The following MACROD2 variants were observed in gnomAD, a reference collection of about 807,000 sequenced individuals.
MACROD2 encodes ADP-ribose glycohydrolase MACROD2.
In MACROD2, 36 loss-of-function variants were observed where a neutral mutation model predicts 70.4. The ratio of observed to expected loss-of-function variants is 0.51; its 90% CI spans 0.39 to 0.68. The LOEUF (loss-of-function observed/expected upper bound fraction) is 0.68. MACROD2 is among the 30% of genes least tolerant of loss of function. The pLI is 0.00. For missense variants in MACROD2, 496 were observed against 538.4 expected, an observed-to-expected ratio of 0.92 and a Z score of 0.78; for synonymous variants, 172 against 178.8, an observed-to-expected ratio of 0.96 and a Z score of 0.30.
At chr20:14,147,024 T>C (rs985038866) in intron 3 of MACROD2, among the ~76,000 whole-genome samples, 2 of 152,052 alleles carry the variant, frequency 1.3e-5, no homozygotes, top group African/African-American at 4.8e-5. Flanking sequence ...TCCAGTCAGC[T>C]TTTCCTGTAG....
intron 6 of MACROD2, among the ~76,000 whole-genome samples, chr20:15,335,574 A>G (rs1220193864): frequency 6.6e-6 from 1 of 151,656 alleles, no homozygotes; most frequent in South Asian, 2.1e-4. Flanking sequence ...CCTACTAGGC[A>G]TGTAAATATT....
intron 6 of MACROD2, among the ~76,000 whole-genome samples, chr20:15,250,043 C>T (rs939831431): frequency 6.6e-6 from 1 of 152,192 alleles, no homozygotes; most frequent in African/African-American, 2.4e-5. Context: ...AAGGCCCTGG[C>T]CACCCTCTTG....
At chr20:14,453,291 CTGT>C (rs1414266566) in intron 3 of MACROD2, among the ~76,000 whole-genome samples, 1 of 152,114 alleles carries the variant, frequency 6.6e-6, no homozygotes, top group Non-Finnish European at 1.5e-5. Flanking sequence ...CTACTTAGCC[CTGT>C]GGATTTAGGC....
chr20:14,651,292 G>T (rs899372947), intron 4 of MACROD2, among the ~76,000 whole-genome samples: 5 of 152,064 alleles, frequency 3.3e-5, no homozygotes, highest in African/African-American at 7.2e-5. Flanking sequence ...TAAGAAAGGA[G>T]TTCAACAGGT....
chr20:15,901,028 C>T (rs2065055844), intron 10 of MACROD2, among the ~76,000 whole-genome samples: 3 of 152,180 alleles, frequency 2.0e-5, no homozygotes, highest in South Asian at 2.1e-4. Context: ...ACTCCCCTAC[C>T]TTGCTTATTA....
chr20:15,461,006 A>ATATATATATATACATTTTT, intron 7 of MACROD2, among the ~76,000 whole-genome samples: 1 of 66,992 alleles, frequency 1.5e-5, no homozygotes, highest in Non-Finnish European at 3.3e-5. Flanking sequence ...ATATATATAT[A>ATATATATATATACATTTTT]TTTTTTTTTA....
Position 14,554,180 on chromosome 20 carries a change from G to A in MACROD2, c.301+60672G>A, listed in dbSNP as rs190929012. On this transcript the variant is annotated intron_variant, in intron 4 of 17. Transcript: ENST00000684519. ...CAGTAGTTCTCCTTTCTCAAAGGTT[G>A]CCTATGAATCATCCATGATTTGTAT... Among the ~76,000 whole-genome samples, 10 of 152,210 alleles carry A rather than the reference G, an allele frequency of 6.6e-5. No individual in the cohort carries two copies. In the East Asian group the frequency reaches 1.7e-3, roughly 27 times the overall value.
chr20:15,090,666 G>T (rs2075786233), intron 5 of MACROD2, among the ~76,000 whole-genome samples: 1 of 152,052 alleles, frequency 6.6e-6, no homozygotes, highest in Admixed American at 6.6e-5. Context: ...AAACTCAGGA[G>T]AGCTGAGTAC....
intron 3 of MACROD2, chr20:14,127,663 A>G (rs2054669259): frequency 5.0e-6 from 2 of 398,820 alleles, no homozygotes; most frequent in Admixed American, 7.1e-5. Context: ...TACCATTTCC[A>G]TCTGGTATTC....
chr20:14,884,282 T>C (rs1230035164), intron 5 of MACROD2: 1 of 152,298 alleles, frequency 6.6e-6, no homozygotes, highest in African/African-American at 2.4e-5. Flanking sequence ...ATTATTTATT[T>C]GGTTCACAAA....
chr20:14,719,229 TA>T (rs78431914), intron 5 of MACROD2, among the ~76,000 whole-genome samples: 3,030 of 144,938 alleles, frequency 0.021, 77 homozygotes, highest in African/African-American at 0.062. Context: ...GACTCCATCT[TA>T]AAAAAAAAAA....
intron 8 of MACROD2, among the ~76,000 whole-genome samples, chr20:15,799,590 C>A (rs576332153): frequency 5.6e-4 from 85 of 152,298 alleles, no homozygotes; most frequent in Middle Eastern, 3.4e-3. Context: ...AATGCCTCCA[C>A]CTCTATTCCT....
intron 2 of MACROD2, among the ~76,000 whole-genome samples, chr20:14,013,963 A>G (rs2052951574): frequency 6.6e-6 from 1 of 152,110 alleles, no homozygotes. Context: ...AATATTGTAA[A>G]AACAAAACCC....
At chr20:15,088,441 ATATATATAT>A (rs1568567424) in intron 5 of MACROD2, among the ~76,000 whole-genome samples, 135 of 38,056 alleles carry the variant, frequency 3.5e-3, no homozygotes, top group Non-Finnish European at 5.8e-3. Context: ...ATATATATAT[ATATATATAT>A]AATATTTTGT....
rs557234430 is a variant in MACROD2 at position 15,071,443 on chromosome 20, G to A, written c.419-158497G>A. Among the ~76,000 whole-genome samples, 25 of 152,278 alleles carry A rather than the reference G, an allele frequency of 1.6e-4. No homozygotes were observed. The South Asian group carries it at 4.6e-3, about 28-fold the overall frequency. ...ATTCATGCCTTCCTTCCCTAGCTCA[G>A]TGACTGGAAAGCAGAGGGGCTCAAT... On this transcript the variant is annotated intron_variant, in intron 5 of 17. Transcript: ENST00000684519.
intron 6 of MACROD2, among the ~76,000 whole-genome samples, chr20:15,376,397 A>T (rs950298019): frequency 6.6e-6 from 1 of 152,192 alleles, no homozygotes; most frequent in South Asian, 2.1e-4. Flanking sequence ...ACAGACCTCA[A>T]TATCTCTGCA....
At chr20:14,356,784 C>T (rs866513763) in intron 3 of MACROD2, among the ~76,000 whole-genome samples, 3 of 152,178 alleles carry the variant, frequency 2.0e-5, no homozygotes, top group Non-Finnish European at 1.5e-5. Context: ...GGATTACAGG[C>T]GTGAGCCACC....
intron 2 of MACROD2, among the ~76,000 whole-genome samples, chr20:14,015,736 C>T (rs1052720097): frequency 6.6e-6 from 1 of 152,158 alleles, no homozygotes; most frequent in Non-Finnish European, 1.5e-5. Flanking sequence ...ACATGTTTAT[C>T]TTTCATGTCT....
At chr20:14,499,103 A>G (rs1047555160) in intron 4 of MACROD2, among the ~76,000 whole-genome samples, 4 of 152,176 alleles carry the variant, frequency 2.6e-5, no homozygotes, top group Non-Finnish European at 5.9e-5. Context: ...GGGCCTGGGG[A>G]ACAGCAACAG....
Sources: allele counts gnomAD v4.1 joint callset (sites outside exome capture counted in the v4.1 genomes callset), GRCh38; gene constraint gnomAD v4.1.1; transcripts MANE v1.5; gene names NCBI Gene and HGNC (gene_info 2026-07-23, HGNC 2026-07-21).